Variants in PDE10A observed in about 807,000 individuals in gnomAD.
The protein encoded by PDE10A is phosphodiesterase 10A, also known as cAMP and cAMP-inhibited cGMP 3',5'-cyclic phosphodiesterase 10A.
PDE10A carries 39 observed loss-of-function variants against 97.7 expected under a neutral mutation model. The ratio of observed to expected loss-of-function variants is 0.40; its 90% CI spans 0.31 to 0.52. PDE10A has a LOEUF of 0.52. PDE10A is among the 20% of genes least tolerant of loss of function. PDE10A has a pLI of 0.56. For missense variants in PDE10A, 731 were observed against 1,047.8 expected, an observed-to-expected ratio of 0.70 and a Z score of 4.17; for synonymous variants, 371 against 376.8, an observed-to-expected ratio of 0.98 and a Z score of 0.18.
intron 1 of PDE10A, among the ~76,000 whole-genome samples, chr6:165,563,465 G>A (rs568311730): frequency 3.3e-5 from 5 of 152,252 alleles, no homozygotes; most frequent in African/African-American, 1.2e-4. Context: ...CCTCACAGCT[G>A]AATGTTTCTT....
chr6:165,451,833 A>C (rs994482116), intron 3 of PDE10A, among the ~76,000 whole-genome samples: 1 of 152,212 alleles, frequency 6.6e-6, no homozygotes, highest in South Asian at 2.1e-4. Flanking sequence ...CTCACATTCT[A>C]GTTGGAAGAG....
intron 1 of PDE10A, among the ~76,000 whole-genome samples, chr6:165,921,316 G>A (rs903574199): frequency 1.3e-5 from 2 of 152,234 alleles, no homozygotes; most frequent in African/African-American, 4.8e-5. Context: ...ACCTGCTCTT[G>A]TTGGAGGTGG....
chr6:165,774,414 G>A (rs1778103172), intron 1 of PDE10A, among the ~76,000 whole-genome samples: 1 of 149,144 alleles, frequency 6.7e-6, no homozygotes, highest in South Asian at 2.1e-4. Flanking sequence ...TGAAAGTACT[G>A]AATATTGCTC....
chr6:165,353,437 G>A (rs1359776348), intron 18 of PDE10A, among the ~76,000 whole-genome samples: 2 of 152,296 alleles, frequency 1.3e-5, no homozygotes, highest in Middle Eastern at 3.4e-3. Flanking sequence ...GCACATGGAT[G>A]TATAGGCAGC....
At chr6:165,512,413 A>G (rs62443784) in intron 2 of PDE10A, among the ~76,000 whole-genome samples, 18,163 of 151,770 alleles carry the variant, frequency 0.12, 1,173 homozygotes, top group South Asian at 0.18. Flanking sequence ...TAATAGTAAT[A>G]AAATACTAGT....
At chr6:165,670,488 TC>T (rs532905329) in intron 1 of PDE10A, among the ~76,000 whole-genome samples, 150 of 152,326 alleles carry the variant, frequency 9.8e-4, no homozygotes, top group African/African-American at 3.5e-3. Flanking sequence ...ACCCATTTGA[TC>T]CCAGAAGTTT....
chr6:165,447,978 G>A (rs4709939), intron 5 of PDE10A, among the ~76,000 whole-genome samples: 4,160 of 151,770 alleles, frequency 0.027, 186 homozygotes, highest in Admixed American at 0.13. Context: ...AACTATTTTC[G>A]CACTTTGCAA....
intron 1 of PDE10A, among the ~76,000 whole-genome samples, chr6:165,634,208 G>A (rs1390635474): frequency 1.3e-5 from 2 of 152,160 alleles, no homozygotes; most frequent in Admixed American, 6.5e-5. Flanking sequence ...CGGATCTGCA[G>A]GGTTTGTGGA....
intron 1 of PDE10A, among the ~76,000 whole-genome samples, chr6:165,646,934 T>C (rs919853603): frequency 3.9e-5 from 6 of 152,160 alleles, no homozygotes; most frequent in Non-Finnish European, 8.8e-5. Context: ...AATTTTTAAT[T>C]AAAATTAGAT....
At chr6:165,929,277 G>A (rs901932588) in intron 1 of PDE10A, among the ~76,000 whole-genome samples, 18 of 152,198 alleles carry the variant, frequency 1.2e-4, no homozygotes, top group Admixed American at 3.3e-4. Context: ...CAGATTTGAG[G>A]ATGGTGTAGG....
At chr6:165,942,295 T>TAC (rs1783549568) in intron 1 of PDE10A, among the ~76,000 whole-genome samples, 1 of 119,614 alleles carries the variant, frequency 8.4e-6, no homozygotes, top group African/African-American at 4.0e-5. Flanking sequence ...TGTGTGTATA[T>TAC]ATATATATAC....
At chr6:165,460,784 C>A (rs548613029) in intron 3 of PDE10A, among the ~76,000 whole-genome samples, 1 of 152,216 alleles carries the variant, frequency 6.6e-6, no homozygotes, top group African/African-American at 2.4e-5. Context: ...AGCACAAGTT[C>A]TAATTCCAGA....
intron 3 of PDE10A, among the ~76,000 whole-genome samples, chr6:165,460,969 C>G (rs1583327345): frequency 6.6e-6 from 1 of 152,110 alleles, no homozygotes; most frequent in Non-Finnish European, 1.5e-5. Context: ...GCCTCCAGAA[C>G]CTATACCTTT....
intron 1 of PDE10A, among the ~76,000 whole-genome samples, chr6:165,574,620 C>T (rs1246432930): frequency 1.2e-4 from 18 of 152,138 alleles, no homozygotes; most frequent in Admixed American, 1.2e-3. Flanking sequence ...CTAATCTTGT[C>T]GATGTAATCA....
intron 1 of PDE10A, among the ~76,000 whole-genome samples, chr6:165,623,747 A>AC (rs61216948): frequency 0.19 from 29,497 of 151,798 alleles, 4,330 homozygotes; most frequent in African/African-American, 0.42. Context: ...GTGGGCATTC[A>AC]CCCCTGACCA....
At chr6:165,498,541 T>C (rs371299484) in intron 2 of PDE10A, among the ~76,000 whole-genome samples, 12 of 147,808 alleles carry the variant, frequency 8.1e-5, no homozygotes, top group African/African-American at 2.5e-4. Context: ...AATCCCAGAA[T>C]GTATTGTTCA....
Position 165,536,396 on chromosome 6 carries a change from C to T in PDE10A, c.994+7044G>A, listed in dbSNP as rs75828604. Among the ~76,000 whole-genome samples, 774 of 152,008 alleles carry T rather than the reference C, an allele frequency of 5.1e-3. 6 individuals are homozygous for T. The highest frequency in any genetic ancestry group is 0.018 in the African/African-American group (751 of 41,514). ...TGGGGAAATGCAACAGGGCATTGGT[C>T]TGGACAAAGATTTTTTTGAGTAAGA... On this transcript the variant is annotated intron_variant, in intron 2 of 21. Transcript: ENST00000539869.
chr6:165,915,540 G>A (rs2128487206), intron 1 of PDE10A, among the ~76,000 whole-genome samples: 1 of 152,206 alleles, frequency 6.6e-6, no homozygotes, highest in South Asian at 2.1e-4. Context: ...ACAGGGGAAG[G>A]GGTAGGCTCC....
chr6:165,931,154 T>G (rs1379126353), intron 1 of PDE10A, among the ~76,000 whole-genome samples: 1 of 152,236 alleles, frequency 6.6e-6, no homozygotes, highest in Non-Finnish European at 1.5e-5. Flanking sequence ...TCTTCAGGCC[T>G]CTGCTCAAGT....
Sources: allele counts gnomAD v4.1 joint callset (sites outside exome capture counted in the v4.1 genomes callset), GRCh38; gene constraint gnomAD v4.1.1; transcripts MANE v1.5; gene names NCBI Gene and HGNC (gene_info 2026-07-23, HGNC 2026-07-21).